CCDC112: variants seen among roughly 807,000 people sequenced by gnomAD.
CCDC112 encodes coiled-coil domain containing 112, also known as coiled-coil domain-containing protein 112.
A neutral mutation model predicts 66.3 loss-of-function variants in CCDC112; 40 were observed. That is an observed-to-expected ratio of 0.60 (90% CI 0.47 to 0.79). The LOEUF is 0.79. CCDC112 is among the 30% of genes least tolerant of loss of function. CCDC112 has a pLI of 0.00. For missense variants in CCDC112, 659 were observed against 603.8 expected (o/e 1.09, Z -0.96); for synonymous variants, 214 against 197.2 (o/e 1.09, Z -0.71).
At chr5:115,268,819 C>A in intron 9 of CCDC112, 63 bp downstream of exon 9, 1 of 755,790 alleles carries the variant, frequency 1.3e-6, no homozygotes, top group Non-Finnish European at 2.1e-6. Context: ...ATAGTAAGTG[C>A]ATAAAATATA....
At chr5:115,291,337 T>C (rs1262089371) in intron 1 of CCDC112, among the ~76,000 whole-genome samples, 1 of 152,172 alleles carries the variant, frequency 6.6e-6, no homozygotes, top group Non-Finnish European at 1.5e-5. Flanking sequence ...AAACTGCAAT[T>C]GATCATGGTG....
chr5:115,270,860 G>C (rs945666831), intron 7 of CCDC112, among the ~76,000 whole-genome samples: 2 of 152,146 alleles, frequency 1.3e-5, no homozygotes, highest in African/African-American at 4.8e-5. Context: ...TGTTGTCTCT[G>C]CTAGGAAGGA....
chr5:115,276,894 G>T, intron 4 of CCDC112, 71 bp downstream of exon 4: 3 of 962,140 alleles, frequency 3.1e-6, no homozygotes, highest in Non-Finnish European at 3.2e-6. Flanking sequence ...ATAAAGTAGA[G>T]TTTAGCTCCA....
At chr5:115,268,007 T>C in intron 9 of CCDC112, 89 bp from the exon 10 acceptor site, 1 of 992,592 alleles carries the variant, frequency 1.0e-6, no homozygotes, top group South Asian at 1.4e-5. Flanking sequence ...CTTTAAAATA[T>C]ATATATAACC....
intron 6 of CCDC112, among the ~76,000 whole-genome samples, chr5:115,274,093 C>T (rs539247179): frequency 6.6e-6 from 1 of 152,160 alleles, no homozygotes; most frequent in South Asian, 2.1e-4. Context: ...AGTCAAACTT[C>T]GTCATCACTG....
intron 3 of CCDC112, among the ~76,000 whole-genome samples, chr5:115,278,687 G>GTTTTTCAAT (rs1749312741): frequency 6.6e-6 from 1 of 151,996 alleles, no homozygotes; most frequent in African/African-American, 2.4e-5. Context: ...GGGTGTCTCG[G>GTTTTTCAAT]TTTTTCAATG....
chr5:115,283,650 T>C (rs978431595), intron 2 of CCDC112, among the ~76,000 whole-genome samples: 1 of 152,100 alleles, frequency 6.6e-6, no homozygotes, highest in African/African-American at 2.4e-5. Flanking sequence ...AAAAGTATTA[T>C]GTAAATGCAA....
chr5:115,273,964 A>G (rs1749101809), intron 6 of CCDC112, among the ~76,000 whole-genome samples: 1 of 152,234 alleles, frequency 6.6e-6, no homozygotes, highest in Admixed American at 6.5e-5. Flanking sequence ...TGACAAGAAC[A>G]ACAAAAATGC....
intron 6 of CCDC112, 46 bp from the exon 7 acceptor site, chr5:115,271,672 T>A (rs776002768): frequency 1.2e-5 from 15 of 1,261,568 alleles, no homozygotes; most frequent in Admixed American, 2.7e-5. Flanking sequence ...AAAAGTTTTT[T>A]AATAGCCAAA....
intron 9 of CCDC112, among the ~76,000 whole-genome samples, chr5:115,268,551 G>GT (rs1267629535): frequency 2.0e-5 from 3 of 151,408 alleles, no homozygotes; most frequent in Non-Finnish European, 4.4e-5. Flanking sequence ...GATTACAGGC[G>GT]TAAGCCACTG....
chr5:115,274,114 A>G (rs912030355), intron 6 of CCDC112, among the ~76,000 whole-genome samples: 2 of 152,132 alleles, frequency 1.3e-5, no homozygotes, highest in African/African-American at 4.8e-5. Flanking sequence ...AACTCTACAA[A>G]AGAAAAAAAA....
chr5:115,269,338 C>T (rs1041182541), intron 8 of CCDC112, among the ~76,000 whole-genome samples: 3 of 152,068 alleles, frequency 2.0e-5, no homozygotes, highest in African/African-American at 7.2e-5. Flanking sequence ...ATAAGTCTTC[C>T]GTTTTATCCA....
intron 4 of CCDC112, among the ~76,000 whole-genome samples, chr5:115,276,381 T>C (rs1332572512): frequency 5.3e-5 from 8 of 152,296 alleles, no homozygotes; most frequent in Admixed American, 6.5e-5. Flanking sequence ...AACACCTGTC[T>C]GATTCCTAAG....
In CCDC112 at chr5:115,290,239, A is replaced by G. The variant is rs1749863495; in HGVS notation, c.118-5331T>C. Among the ~76,000 whole-genome samples the G allele has an allele frequency of 2.0e-5, 3 of 152,168 alleles. No individual in the cohort carries two copies. In the South Asian group the frequency reaches 6.2e-4, roughly 32 times the overall value. ...TGTCCAAACTTTTGTTGAAAAGACTATTCTTTTCTTATTGAATTGTCTTGG... is the reference window on the plus strand; with the variant it reads ...TGTCCAAACTTTTGTTGAAAAGACTGTTCTTTTCTTATTGAATTGTCTTGG... On this transcript the variant is annotated intron_variant, in intron 1 of 9. Coordinates refer to ENST00000379611, the MANE Select transcript of CCDC112 (RefSeq NM_001040440.3).
intron 5 of CCDC112, among the ~76,000 whole-genome samples, 168 bp from the exon 6 acceptor site, chr5:115,275,774 T>C (rs1438912261): frequency 1.3e-5 from 2 of 152,188 alleles, no homozygotes; most frequent in Non-Finnish European, 2.9e-5. Context: ...AAACAATCTT[T>C]CAAATTCTTA....
At chr5:115,292,821 G>A (rs1749991701) in intron 1 of CCDC112, among the ~76,000 whole-genome samples, 1 of 152,192 alleles carries the variant, frequency 6.6e-6, no homozygotes, top group Non-Finnish European at 1.5e-5. Flanking sequence ...GGGAAAGGGG[G>A]TCTGTATGCA....
Position 115,271,409 on chromosome 5 carries a change from T to C in CCDC112, c.1136A>G (p.Glu379Gly). The C allele has an allele frequency of 6.2e-7, 1 of 1,608,508 alleles. No homozygotes were observed. The highest frequency in any genetic ancestry group is 2.2e-5 in the East Asian group (1 of 44,810). ...ATGTTTTTTCTCTTTCTCTTCTTCT[T>C]CTTTTAACTGGGAAGCACATTTCAT... ...MSMKCASQLKEEEEKEKKHQK... is the reference protein window; with the variant it reads ...MSMKCASQLKGEEEKEKKHQK... The change falls in exon 7 of 10, where the codon GAA becomes GGA. Residue 379 changes from glutamate to glycine, a missense_variant. By Grantham distance (98) the Glu-to-Gly change is moderately conservative (BLOSUM62 -2). Coordinates refer to ENST00000379611, the MANE Select transcript of CCDC112 (RefSeq NM_001040440.3).
chr5:115,274,972 A>G (rs1356791634), intron 6 of CCDC112, among the ~76,000 whole-genome samples: 1 of 152,090 alleles, frequency 6.6e-6, no homozygotes, highest in Non-Finnish European at 1.5e-5. Flanking sequence ...CAAACTCCTG[A>G]GCTCAAGTGA....
intron 1 of CCDC112, among the ~76,000 whole-genome samples, chr5:115,295,741 G>C (rs2127081673): frequency 6.6e-6 from 1 of 152,248 alleles, no homozygotes; most frequent in Middle Eastern, 3.4e-3. Context: ...TGAGGGGTGT[G>C]AGGAGAAACA....
Sources: allele counts gnomAD v4.1 joint callset (sites outside exome capture counted in the v4.1 genomes callset), GRCh38; gene constraint gnomAD v4.1.1; transcripts MANE v1.5; gene names NCBI Gene and HGNC (gene_info 2026-07-23, HGNC 2026-07-21).